PNLDC1: variants seen among roughly 807,000 people sequenced by gnomAD.
The protein encoded by PNLDC1 is PARN like ribonuclease domain containing exonuclease 1.
Under a neutral mutation model 82.0 loss-of-function variants are expected in PNLDC1, and 70 were observed. The ratio of observed to expected loss-of-function variants is 0.85; its 90% confidence interval spans 0.70 to 1.04. The LOEUF is 1.04. PNLDC1 is among the 50% of genes least tolerant of loss of function. PNLDC1 has a pLI of 0.00. For missense variants in PNLDC1, 631 were observed against 661.1 expected (o/e 0.95, Z 0.50); for synonymous variants, 280 against 249.3 (o/e 1.12, Z -1.16).
At chr6:159,800,750 C>A (rs1311118610) in intron 1 of PNLDC1, 22 bp from the exon 2 acceptor site, 1 of 1,614,074 alleles carries the variant, frequency 6.2e-7, no homozygotes, top group Non-Finnish European at 8.5e-7. Context: ...CCGAGGACTG[C>A]TATTTTTTGC....
Position 159,819,746 on chromosome 6 carries a change from A to G in PNLDC1, c.1532+394A>G, listed in dbSNP as rs1781973237. 1.3e-5 allele frequency among the ~76,000 whole-genome samples: 2 copies of G among 152,022 alleles called. No individual in the cohort carries two copies. Among genetic ancestry groups the G allele is most frequent in the Admixed American group, 1.3e-4 (2 of 15,266 alleles). ...GAGCTGATGGGGGTCTTCATTAGAG[A>G]CTTGGAGTGAGCCAGGCGGAGGGGG... On this transcript the variant is annotated intron_variant, in intron 18 of 18. Coordinates refer to ENST00000392167, the MANE Select transcript of PNLDC1 (RefSeq NM_001271862.2). This position sits in a 1 kb window ranked among gnomAD's most constrained non-coding sequence, Gnocchi z 4.6.
In PNLDC1 at chr6:159,817,145, T is replaced by TA; in HGVS notation, c.1152dup (p.Tyr385IlefsTer16). ...GTGGCACACTTGCTTCTACAGAAGA[T>TA]ATACCAGTAAGTGTTCTTTCTTTTC... is the stretch of plus-strand genomic sequence containing the variant. On this transcript the variant is annotated frameshift_variant, in exon 15 of 19. Coordinates refer to ENST00000392167, the MANE Select transcript of PNLDC1 (RefSeq NM_001271862.2). LOFTEE classifies it high-confidence loss of function. 1 of 1,612,096 alleles carries TA rather than the reference T, an allele frequency of 6.2e-7. No homozygotes were observed. Among genetic ancestry groups the TA allele is most frequent in the East Asian group, 2.2e-5 (1 of 44,886 alleles).
At chr6:159,807,999 C>T (rs1041665952) in intron 7 of PNLDC1, among the ~76,000 whole-genome samples, 1 of 151,918 alleles carries the variant, frequency 6.6e-6, no homozygotes, top group Non-Finnish European at 1.5e-5. Flanking sequence ...CTACAACCTC[C>T]GCCTCCCGGG....
At chr6:159,800,434 G>T in intron 1 of PNLDC1, 51 bp downstream of exon 1, 2 of 1,524,720 alleles carry the variant, frequency 1.3e-6, no homozygotes, top group Non-Finnish European at 1.8e-6. Flanking sequence ...CTTGCCCCGG[G>T]CGAGCTTGAG....
chr6:159,806,110 CAGGA>C, intron 7 of PNLDC1, 27 bp downstream of exon 7: 2 of 1,558,624 alleles, frequency 1.3e-6, no homozygotes, highest in Non-Finnish European at 8.9e-7. Context: ...CCTCCCAACG[CAGGA>C]GCATTGGGAC....
At position 159,804,561 on chromosome 6, in the gene PNLDC1, G is replaced by C. The variant is rs1015391225; in HGVS notation, c.385G>C (p.Gly129Arg). ...GFNYNKFLKNGIPYMNEEQEK... is the reference protein window; with the variant it reads ...GFNYNKFLKNRIPYMNEEQEK... ...TTTCTGTCTTAAGTTTCTCAAAAAC[G>C]GAATCCCATATATGAATGAAGAACA... The change falls in exon 6 of 19, where the codon GGA becomes CGA. Residue 129 changes from glycine to arginine, a missense_variant. Transcript: ENST00000392167. 1 of 1,600,078 alleles carries C rather than the reference G, an allele frequency of 6.2e-7. No homozygotes were observed. The highest frequency in any genetic ancestry group is 8.6e-7 in the Non-Finnish European group (1 of 1,167,330).
At chr6:159,812,137 T>C (rs1781667688) in intron 11 of PNLDC1, among the ~76,000 whole-genome samples, 1 of 152,084 alleles carries the variant, frequency 6.6e-6, no homozygotes, top group Admixed American at 6.6e-5. Flanking sequence ...CCTGACCTCA[T>C]GATCCACCCG....
At chr6:159,814,917 T>C (rs189304994) in intron 12 of PNLDC1, among the ~76,000 whole-genome samples, 1 of 152,282 alleles carries the variant, frequency 6.6e-6, no homozygotes, top group African/African-American at 2.4e-5. Flanking sequence ...TGTTGACAAC[T>C]ATCCCAATCC....
At chr6:159,811,880 G>GT (rs879546447) in intron 11 of PNLDC1, 94 bp downstream of exon 11, 1,021 of 919,208 alleles carry the variant, frequency 1.1e-3, no homozygotes, top group Non-Finnish European at 1.5e-3. Context: ...GTGTTTTTTT[G>GT]TTTTTTTTGT....
At position 159,816,124 on chromosome 6, in the gene PNLDC1, C is replaced by T. The variant is rs1220065949; in HGVS notation, c.1060+91C>T. 5 of 867,202 alleles carry T rather than the reference C, an allele frequency of 5.8e-6. No homozygotes were observed. In the African/African-American group the frequency reaches 9.2e-5, roughly 16 times the overall value. 53.7% of individuals were successfully genotyped at this position (867,202 alleles called of 1,614,324 possible). ...GTCCTTGACCCTGGTTCCCCCACAC[C>T]CCTCCCCACCCACCCGCCACACCCC... On this transcript the variant is annotated intron_variant, in intron 13 of 18. Coordinates refer to ENST00000392167, the MANE Select transcript of PNLDC1 (RefSeq NM_001271862.2).
intron 10 of PNLDC1, among the ~76,000 whole-genome samples, chr6:159,810,728 A>G (rs768790380): frequency 6.6e-6 from 1 of 152,206 alleles, no homozygotes; most frequent in Non-Finnish European, 1.5e-5. Flanking sequence ...AATAGTGCCA[A>G]TATCAGAGTT....
At position 159,818,446 on chromosome 6, in the gene PNLDC1, G is replaced by A. The variant is rs957202479; in HGVS notation, c.1158-109G>A. ...CTTGTGAGGGCAGGAGGGAGGGAGAGCCGTCCGAGGGAGTGTCCTTCTGTT... is the reference window on the plus strand; with the variant it reads ...CTTGTGAGGGCAGGAGGGAGGGAGAACCGTCCGAGGGAGTGTCCTTCTGTT... On this transcript the variant is annotated intron_variant, in intron 15 of 18. Transcript: ENST00000392167. The A allele has an allele frequency of 3.1e-6, 3 of 953,000 alleles. No individual in the cohort carries two copies. In the African/African-American group the frequency reaches 4.8e-5, roughly 15 times the overall value. 59.0% of individuals were successfully genotyped at this position (953,000 alleles called of 1,614,324 possible). A position where few individuals can be genotyped will look rare whatever the true frequency, so the allele number is the denominator to read the frequency against.
chr6:159,809,859 G>A (rs1327538140), intron 9 of PNLDC1, among the ~76,000 whole-genome samples, 167 bp from the exon 10 acceptor site: 1 of 152,160 alleles, frequency 6.6e-6, no homozygotes, highest in Non-Finnish European at 1.5e-5. Context: ...TGGCATTTAA[G>A]CGGTTGAACT....
Position 159,810,095 on chromosome 6 carries a change from G to T in PNLDC1, c.853G>T (p.Glu285Ter), listed in dbSNP as rs898877721. ...LHEKFFRPLPESYDQFKQNIH... is the reference protein window; with the variant it reads ...LHEKFFRPLP ...TGAGAAGTTCTTCAGACCCCTCCCAGGTAGGGGCAAACCTGTCATTTCTCT... is the reference window on the plus strand; with the variant it reads ...TGAGAAGTTCTTCAGACCCCTCCCATGTAGGGGCAAACCTGTCATTTCTCT... Residue 285 changes from glutamate to a stop codon, truncating the protein, a stop_gained and splice_region_variant, in exon 10 of 19, where the codon GAA (glutamate) becomes TAA (stop). Transcript: ENST00000392167. LOFTEE classifies it high-confidence loss of function. The T allele has an allele frequency of 6.2e-7, 1 of 1,613,206 alleles. No individual in the cohort carries two copies.
At chr6:159,807,227 T>G (rs554224942) in intron 7 of PNLDC1, among the ~76,000 whole-genome samples, 1 of 152,280 alleles carries the variant, frequency 6.6e-6, no homozygotes, top group Admixed American at 6.5e-5. Context: ...AAGAACTGAT[T>G]GGTTGCTTAG....
intron 3 of PNLDC1, among the ~76,000 whole-genome samples, chr6:159,802,401 G>A (rs531670375): frequency 1.3e-5 from 2 of 152,074 alleles, no homozygotes; most frequent in East Asian, 1.9e-4. Flanking sequence ...GTGCTGCCAC[G>A]CCCAGCCCCT....
chr6:159,811,049 C>T (rs1463845354), intron 10 of PNLDC1, among the ~76,000 whole-genome samples: 1 of 152,186 alleles, frequency 6.6e-6, no homozygotes, highest in Non-Finnish European at 1.5e-5. Flanking sequence ...GAGGGGTCAT[C>T]ACCCTCTCAG....
At chr6:159,800,104 C>G (rs1781177041), upstream of PNLDC1, 1 of 524,076 alleles carries the variant, frequency 1.9e-6, no homozygotes, top group African/African-American at 1.9e-5. Context: ...AATCAAACCT[C>G]TGTAGCAAAT....
chr6:159,815,640 A>G (rs961232637), intron 12 of PNLDC1, among the ~76,000 whole-genome samples: 2 of 152,160 alleles, frequency 1.3e-5, no homozygotes, highest in African/African-American at 4.8e-5. Context: ...TACAAGAGGC[A>G]GGCATAATTG....
Sources: gnomAD v4.1 joint callset for allele counts (sites outside exome capture counted in the v4.1 genomes callset) on GRCh38, gnomAD v4.1.1 for gene constraint, Gnocchi (gnomAD v3.1) non-coding constraint, MANE v1.5 for transcripts, NCBI Gene and HGNC (gene_info 2026-07-23, HGNC 2026-07-21) for gene names.